The following DPP10 variants were observed in gnomAD, a reference collection of about 807,000 sequenced individuals.
DPP10 encodes dipeptidyl peptidase like 10.
Under a neutral mutation model 120.9 loss-of-function variants are expected in DPP10, and 33 were observed. That is an observed-to-expected ratio of 0.27 (90% CI 0.21 to 0.37). DPP10 has a LOEUF of 0.37. DPP10 is among the 10% of genes least tolerant of loss of function. The pLI is 1.00. For synonymous variants in DPP10, 337 were observed against 326.1 expected, an observed-to-expected ratio of 1.03 and a Z score of -0.36; for missense variants, 816 against 942.8, an observed-to-expected ratio of 0.87 and a Z score of 1.76.
chr2:115,347,245 A>G (rs1257583997), intron 3 of DPP10, among the ~76,000 whole-genome samples: 1 of 152,094 alleles, frequency 6.6e-6, no homozygotes, highest in African/African-American at 2.4e-5. Context: ...TCTAATGATA[A>G]TAAAATGAGG....
At chr2:115,039,548 T>A (rs1346790200) in intron 1 of DPP10, among the ~76,000 whole-genome samples, 2 of 152,016 alleles carry the variant, frequency 1.3e-5, no homozygotes, top group Non-Finnish European at 2.9e-5. Context: ...CAGTGGTTTG[T>A]TTTTGACCTG....
intron 1 of DPP10, among the ~76,000 whole-genome samples, chr2:114,454,458 C>T (rs546203608): frequency 6.6e-6 from 1 of 152,302 alleles, no homozygotes; most frequent in South Asian, 2.1e-4. Context: ...GATAAGCTTA[C>T]TACAAAACTG....
At chr2:115,543,742 C>G (rs1055170230) in intron 5 of DPP10, among the ~76,000 whole-genome samples, 2 of 151,858 alleles carry the variant, frequency 1.3e-5, no homozygotes, top group Non-Finnish European at 2.9e-5. Flanking sequence ...CAAGTCATTG[C>G]TTTTGGTTAT....
chr2:114,837,528 G>A (rs1296487024), intron 1 of DPP10, among the ~76,000 whole-genome samples: 2 of 152,040 alleles, frequency 1.3e-5, no homozygotes, highest in African/African-American at 4.8e-5. Context: ...GTACTTAAAT[G>A]TAGAAGGTTA....
intron 3 of DPP10, among the ~76,000 whole-genome samples, chr2:115,384,735 A>T (rs1418930762): frequency 1.4e-5 from 2 of 146,680 alleles, no homozygotes; most frequent in Admixed American, 6.7e-5. Context: ...GAAGAAGAAG[A>T]GAAGAAGGAA....
At chr2:115,054,538 C>T (rs898763169) in intron 1 of DPP10, among the ~76,000 whole-genome samples, 2 of 152,174 alleles carry the variant, frequency 1.3e-5, no homozygotes, top group Non-Finnish European at 2.9e-5. Flanking sequence ...TAAACTAAAG[C>T]TGGAACTAAA....
chr2:115,717,806 G>C (rs941430461), intron 7 of DPP10, among the ~76,000 whole-genome samples: 3 of 152,110 alleles, frequency 2.0e-5, no homozygotes, highest in African/African-American at 7.2e-5. Flanking sequence ...AGGGTCTGCT[G>C]TTGCTCTTGC....
intron 5 of DPP10, among the ~76,000 whole-genome samples, chr2:115,626,675 T>C (rs2085391296): frequency 6.6e-6 from 1 of 152,176 alleles, no homozygotes; most frequent in South Asian, 2.1e-4. Context: ...GGAATGGGTA[T>C]GTGTGGAAGA....
At chr2:114,731,963 C>G (rs1430517787) in intron 1 of DPP10, among the ~76,000 whole-genome samples, 1 of 152,062 alleles carries the variant, frequency 6.6e-6, no homozygotes, top group Non-Finnish European at 1.5e-5. Flanking sequence ...ATCTATTTTT[C>G]CCATATGAAA....
intron 7 of DPP10, among the ~76,000 whole-genome samples, chr2:115,703,486 C>A (rs145505554): frequency 1.3e-5 from 2 of 152,106 alleles, no homozygotes; most frequent in African/African-American, 4.8e-5. Flanking sequence ...AGCAGACCAG[C>A]AGGCTGGACA....
intron 5 of DPP10, among the ~76,000 whole-genome samples, chr2:115,646,723 A>G (rs1273569738): frequency 6.6e-6 from 1 of 152,208 alleles, no homozygotes; most frequent in African/African-American, 2.4e-5. Context: ...CTGTTTTTAT[A>G]CAAATTCTAA....
In DPP10 at chr2:115,836,216, T is replaced by C; in HGVS notation, c.2010T>C (p.Cys670=). ...AATCAGATGAAAAGCTTTTTAAATGTGGATCCGTGGTTGCACCTATCACAG... is the reference window on the plus strand; with the variant it reads ...AATCAGATGAAAAGCTTTTTAAATGCGGATCCGTGGTTGCACCTATCACAG... ...ILKSDEKLFK[C]GSVVAPITDL... The change falls in exon 22 of 26, where the codon TGT becomes TGC. Residue 670 remains cysteine, a synonymous_variant. Coordinates refer to ENST00000410059, the MANE Select transcript of DPP10 (RefSeq NM_020868.6). 1 of 1,609,382 alleles carries C rather than the reference T, an allele frequency of 6.2e-7. No homozygotes were observed. The highest frequency in any genetic ancestry group is 8.5e-7 in the Non-Finnish European group (1 of 1,178,376).
chr2:115,071,648 A>C (rs1291114738), intron 1 of DPP10, among the ~76,000 whole-genome samples: 1 of 151,914 alleles, frequency 6.6e-6, no homozygotes, highest in Non-Finnish European at 1.5e-5. Context: ...TTCAAGTTTT[A>C]AGACCAGAAG....
At chr2:114,911,830 A>G (rs1022114151) in intron 1 of DPP10, among the ~76,000 whole-genome samples, 1 of 152,200 alleles carries the variant, frequency 6.6e-6, no homozygotes, top group Non-Finnish European at 1.5e-5. Context: ...TAATGTTTAC[A>G]TCAGTTACAC....
intron 1 of DPP10, among the ~76,000 whole-genome samples, chr2:114,928,703 G>T (rs1445294655): frequency 6.6e-6 from 1 of 152,004 alleles, no homozygotes; most frequent in African/African-American, 2.4e-5. Context: ...CTCAGTGGTG[G>T]CTATGCTTCT....
intron 1 of DPP10, among the ~76,000 whole-genome samples, chr2:114,480,202 A>G (rs1032989398): frequency 6.6e-6 from 1 of 151,086 alleles, no homozygotes; most frequent in Non-Finnish European, 1.5e-5. Flanking sequence ...AAAGTCAGGA[A>G]ACAACAGGTG....
chr2:114,464,664 C>G (rs1679202127), intron 1 of DPP10, among the ~76,000 whole-genome samples: 1 of 152,096 alleles, frequency 6.6e-6, no homozygotes, highest in South Asian at 2.1e-4. Flanking sequence ...AGCTGTTCCA[C>G]TTACTGTTAG....
intron 1 of DPP10, among the ~76,000 whole-genome samples, chr2:114,523,642 A>G (rs1685256237): frequency 6.6e-6 from 1 of 152,218 alleles, no homozygotes; most frequent in Non-Finnish European, 1.5e-5. Flanking sequence ...AAAAGCCTAG[A>G]CTTTTTTTAA....
chr2:115,090,976 T>C (rs1165831623), intron 1 of DPP10, among the ~76,000 whole-genome samples: 1 of 152,168 alleles, frequency 6.6e-6, no homozygotes, highest in Admixed American at 6.5e-5. Context: ...TAGATTTAGG[T>C]GGTTTTTGAT....
Sources: gnomAD v4.1 joint callset for allele counts (sites outside exome capture counted in the v4.1 genomes callset) on GRCh38, gnomAD v4.1.1 for gene constraint, MANE v1.5 for transcripts, NCBI Gene and HGNC (gene_info 2026-07-23, HGNC 2026-07-21) for gene names.